The following SFMBT1 variants were observed in gnomAD, a reference collection of about 807,000 sequenced individuals.
SFMBT1 encodes the protein Scm like with four mbt domains 1.
Under a neutral mutation model 108.7 loss-of-function variants are expected in SFMBT1, and 32 were observed. The ratio of observed to expected loss-of-function variants is 0.29; its 90% CI spans 0.22 to 0.40. The LOEUF is 0.40. Ranked by LOEUF, SFMBT1 falls within the 10% of genes least tolerant of loss-of-function variation. SFMBT1 has a pLI of 1.00. For missense variants in SFMBT1, 816 were observed against 1,059.6 expected, an observed-to-expected ratio of 0.77 and a Z score of 3.19; for synonymous variants, 348 against 369.5, an observed-to-expected ratio of 0.94 and a Z score of 0.67.
chr3:52,954,758 T>C (rs766614918), intron 2 of SFMBT1, among the ~76,000 whole-genome samples: 14 of 152,138 alleles, frequency 9.2e-5, no homozygotes, highest in African/African-American at 2.4e-4. Flanking sequence ...ATGTCAAACA[T>C]TGAAGACACT....
At chr3:52,936,884 T>C (rs1468872950) in intron 4 of SFMBT1, among the ~76,000 whole-genome samples, 1 of 139,628 alleles carries the variant, frequency 7.2e-6, no homozygotes, top group East Asian at 2.2e-4. Context: ...AGTTCTCAAT[T>C]ACACATTTCT....
chr3:52,968,962 G>A (rs1559531114), intron 2 of SFMBT1, 139 bp downstream of exon 2: 5 of 903,376 alleles, frequency 5.5e-6, no homozygotes, highest in Non-Finnish European at 8.6e-6. Context: ...TTCTCTGAGA[G>A]GTACAGAAGA....
intron 12 of SFMBT1, 39 bp downstream of exon 12, chr3:52,920,497 AT>A: frequency 7.0e-7 from 1 of 1,427,498 alleles, no homozygotes; most frequent in Non-Finnish European, 9.8e-7. Flanking sequence ...ACAGAAGATT[AT>A]TTAACAATCA....
At chr3:52,970,217 ATTGAAT>A (rs1439538052) in intron 1 of SFMBT1, among the ~76,000 whole-genome samples, 2 of 152,212 alleles carry the variant, frequency 1.3e-5, no homozygotes, top group Non-Finnish European at 2.9e-5. Flanking sequence ...AACCATCATA[ATTGAAT>A]TTGAGAATAT....
intron 19 of SFMBT1, 111 bp downstream of exon 19, chr3:52,906,958 T>C: frequency 8.1e-6 from 11 of 1,358,020 alleles, no homozygotes; most frequent in Non-Finnish European, 1.1e-5. Context: ...CTGGAAATTC[T>C]ACATAAGTCT....
intron 18 of SFMBT1, 69 bp from the exon 19 acceptor site, chr3:52,907,383 A>T: frequency 6.5e-7 from 1 of 1,539,528 alleles, no homozygotes; most frequent in Non-Finnish European, 8.7e-7. Context: ...TGATTAAAAA[A>T]AAATAATAAA....
At chr3:53,029,571 A>G (rs1699611939) in intron 1 of SFMBT1, among the ~76,000 whole-genome samples, 2 of 152,228 alleles carry the variant, frequency 1.3e-5, no homozygotes, top group Admixed American at 1.3e-4. Flanking sequence ...ATACCACCCA[A>G]ATACAGAAAT....
chr3:52,941,980 T>C (rs574765163), intron 4 of SFMBT1, among the ~76,000 whole-genome samples: 3 of 152,242 alleles, frequency 2.0e-5, no homozygotes, highest in Admixed American at 2.0e-4. Flanking sequence ...GCATGATGCA[T>C]GATGGCTCAT....
At chr3:52,932,728 T>C (rs1702893711) in intron 5 of SFMBT1, among the ~76,000 whole-genome samples, 1 of 152,000 alleles carries the variant, frequency 6.6e-6, no homozygotes. Flanking sequence ...GTGGCCAACA[T>C]GGTGAAACCC....
At chr3:52,928,017 A>G (rs1231731756) in intron 9 of SFMBT1, among the ~76,000 whole-genome samples, 174 bp downstream of exon 9, 1 of 152,242 alleles carries the variant, frequency 6.6e-6, no homozygotes, top group South Asian at 2.1e-4. Context: ...TAACTTTCAA[A>G]TATGTAAATA....
intron 10 of SFMBT1, among the ~76,000 whole-genome samples, chr3:52,923,653 A>T (rs887338402): frequency 6.6e-6 from 1 of 152,156 alleles, no homozygotes; most frequent in Admixed American, 6.5e-5. Flanking sequence ...CTCAAAAGGA[A>T]GGCCGAAAGA....
At chr3:52,978,036 G>GA (rs1704577585) in intron 1 of SFMBT1, among the ~76,000 whole-genome samples, 1 of 152,106 alleles carries the variant, frequency 6.6e-6, no homozygotes, top group South Asian at 2.1e-4. Context: ...TATCAGTGAA[G>GA]AAAACAGACC....
At chr3:52,964,743 G>A (rs1034488517) in intron 2 of SFMBT1, among the ~76,000 whole-genome samples, 3 of 152,130 alleles carry the variant, frequency 2.0e-5, no homozygotes, top group Non-Finnish European at 4.4e-5. Context: ...GGTCCAGAAA[G>A]CAAGGACTAA....
chr3:53,003,667 T>C (rs1698635351), intron 1 of SFMBT1, among the ~76,000 whole-genome samples: 2 of 148,538 alleles, frequency 1.3e-5, no homozygotes, highest in South Asian at 2.1e-4. Context: ...AACACAGGTA[T>C]TAAAGAGCAC....
At chr3:53,023,729 T>C (rs1419878330) in intron 1 of SFMBT1, among the ~76,000 whole-genome samples, 2 of 152,232 alleles carry the variant, frequency 1.3e-5, no homozygotes, top group African/African-American at 4.8e-5. Flanking sequence ...AAATGCGGGT[T>C]TGTGGGCTCT....
At position 52,981,529 on chromosome 3, in the gene SFMBT1, A is replaced by ATTT. The variant is rs34406724; in HGVS notation, c.-130-12274_-130-12272dup. ...AGGCATATGCCACCATGCTCAGCTA[A>ATTT]TTTTTTTTTTTTTTTTTTTTTTACT... On this transcript the variant is annotated intron_variant, in intron 1 of 20. Coordinates refer to ENST00000394752, the MANE Select transcript of SFMBT1 (RefSeq NM_016329.4). Among the ~76,000 whole-genome samples, 202 of 133,026 alleles carry ATTT rather than the reference A, an allele frequency of 1.5e-3. 2 individuals carry two copies. The highest frequency in any genetic ancestry group is 0.013 in the East Asian group (58 of 4,422). 87.3% of individuals were successfully genotyped at this position (133,026 alleles called of 152,430 possible).
chr3:53,044,058 G>A lies in SFMBT1; in HGVS notation c.-131+1758C>T, dbSNP rs139626267. On this transcript the variant is annotated intron_variant, in intron 1 of 20. Transcript: ENST00000394752. ...TACATATATAAAAAGTCATTGAATT[G>A]TACCCTTAAGATCTTTCGGTAGGTT... is the stretch of plus-strand genomic sequence containing the variant. Among the ~76,000 whole-genome samples, 394 of 152,284 alleles carry A rather than the reference G, an allele frequency of 2.6e-3. 2 individuals are homozygous for A. The highest frequency in any genetic ancestry group is 4.2e-3 in the Non-Finnish European group (285 of 68,018).
chr3:52,983,267 T>G (rs1704783598), intron 1 of SFMBT1, among the ~76,000 whole-genome samples: 2 of 152,210 alleles, frequency 1.3e-5, no homozygotes, highest in South Asian at 4.1e-4. Context: ...AATATTAATA[T>G]ATTTTCTCTT....
intron 1 of SFMBT1, among the ~76,000 whole-genome samples, chr3:52,995,710 C>T (rs1272330416): frequency 6.7e-6 from 1 of 149,950 alleles, no homozygotes; most frequent in Non-Finnish European, 1.5e-5. Context: ...TGGCAAATAA[C>T]TTTAAAACAT....
Sources: allele counts gnomAD v4.1 joint callset (sites outside exome capture counted in the v4.1 genomes callset), GRCh38; gene constraint gnomAD v4.1.1; transcripts MANE v1.5; gene names NCBI Gene and HGNC (gene_info 2026-07-23, HGNC 2026-07-21).